The following ARF6 variants were observed in gnomAD, a reference collection of about 807,000 sequenced individuals.
ARF6 encodes the protein ARF GTPase 6, also known as ADP-ribosylation factor 6.
For synonymous variants in ARF6, 127 were observed against 95.5 expected (o/e 1.33, Z -1.92); for missense variants, 75 against 232.0 (o/e 0.32, Z 4.40).
rs1263618436 is a variant in ARF6, at chr14:49,893,729, C to T, written c.-8C>T. 2 of 1,607,154 alleles carry T rather than the reference C, an allele frequency of 1.2e-6. No individual in the cohort carries two copies. Among genetic ancestry groups the T allele is most frequent in the Non-Finnish European group, 1.7e-6 (2 of 1,174,260 alleles). On this transcript the variant is annotated 5_prime_UTR_variant, in exon 2 of 2. Transcript: ENST00000298316. Reference sequence around the variant, plus strand: ...CTGAATGCCCCCGGCCCCGGCTCCTCCGACGCGATGGGGAAGGTGCTATCC... The same window carrying T: ...CTGAATGCCCCCGGCCCCGGCTCCTTCGACGCGATGGGGAAGGTGCTATCC...
rs117373659 is a variant in ARF6 at position 49,894,063 on chromosome 14, C to T, written c.327C>T (p.Asp109=). Residue 109 remains aspartate (D), a synonymous_variant, in exon 2 of 2, where the codon GAC becomes GAT. Transcript: ENST00000298316. ...AGGAGCTGCACCGCATTATCAATGA[C>T]CGGGAGATGAGGGACGCCATAATCC... is the stretch of plus-strand genomic sequence containing the variant. ...ARQELHRIIN[D]REMRDAIILI... The T allele has an allele frequency of 4.2e-4, 678 of 1,614,192 alleles. 4 individuals are homozygous for T. In the East Asian group the frequency reaches 9.8e-3, roughly 23 times the overall value.
In ARF6 at chr14:49,896,586, T is replaced by C. The variant is rs1029738610; in HGVS notation, c.*2322T>C. The stretch of plus-strand genomic sequence containing the variant: ...ACATCAAGTGATTGCTATTATTGAA[T>C]GTTGCAGGTGAGATGTGGTTATTTT... On this transcript the variant is annotated 3_prime_UTR_variant, in exon 2 of 2. Transcript: ENST00000298316. The C allele has an allele frequency of 6.0e-6, 1 of 166,996 alleles. No homozygotes were observed. The highest frequency in any genetic ancestry group is 1.5e-5 in the Non-Finnish European group (1 of 68,068). 10.3% of individuals were successfully genotyped at this position (166,996 alleles called of 1,614,324 possible).
Position 49,894,330 on chromosome 14 carries a change from CCAT to C in ARF6, c.*69_*71del, listed in dbSNP as rs2139188998. On this transcript the variant is annotated 3_prime_UTR_variant, in exon 2 of 2. Coordinates refer to ENST00000298316, the MANE Select transcript of ARF6 (RefSeq NM_001663.4). ...AAACCCATTCATAGGATTATCGCCA[CCAT>C]CACCTCTTTCAATTGCCACTTTCTC... 4.9e-6 allele frequency: 7 copies of C among 1,435,374 alleles called. No individual in the cohort carries two copies. In the South Asian group the frequency reaches 8.3e-5, roughly 17 times the overall value. 88.9% of individuals were successfully genotyped at this position (1,435,374 alleles called of 1,614,324 possible). A position where few individuals can be genotyped will look rare whatever the true frequency, so the allele number is the denominator to read the frequency against.
At position 49,896,289 on chromosome 14, in the gene ARF6, C is replaced by T. The variant is rs1213298814; in HGVS notation, c.*2025C>T. 1 of 166,968 alleles carries T rather than the reference C, an allele frequency of 6.0e-6. No homozygotes were observed. Among genetic ancestry groups the T allele is most frequent in the East Asian group, 1.9e-4 (1 of 5,202 alleles). The allele number at this position is 166,968 out of a possible 1,614,324, so 10.3% of individuals were successfully genotyped here. A position where few individuals can be genotyped will look rare whatever the true frequency, so the allele number is the denominator to read the frequency against. On this transcript the variant is annotated 3_prime_UTR_variant, in exon 2 of 2. Coordinates refer to ENST00000298316, the MANE Select transcript of ARF6 (RefSeq NM_001663.4). ...TAAACACATCTAAGAACACTGGTTG[C>T]TTTCTAAAATTTCCAAAGCTCCACC...
Position 49,895,278 on chromosome 14 carries a change from C to T in ARF6, c.*1014C>T, listed in dbSNP as rs1202429209. The T allele has an allele frequency of 6.0e-6, 1 of 166,914 alleles. No individual in the cohort carries two copies. The highest frequency in any genetic ancestry group is 2.4e-5 in the African/African-American group (1 of 41,398). 10.3% of individuals were successfully genotyped at this position (166,914 alleles called of 1,614,324 possible). ...TTTACCTTGTTTCAAACACCTAAGACCAGTAATTTAAAAATTACTAAAAGG... is the reference window on the plus strand; with the variant it reads ...TTTACCTTGTTTCAAACACCTAAGATCAGTAATTTAAAAATTACTAAAAGG... On this transcript the variant is annotated 3_prime_UTR_variant, in exon 2 of 2. Coordinates refer to ENST00000298316, the MANE Select transcript of ARF6 (RefSeq NM_001663.4).
In ARF6 at chr14:49,894,165, G is replaced by C. The variant is rs1339951808; in HGVS notation, c.429G>C (p.Arg143=). 4 of 1,614,042 alleles carry C rather than the reference G, an allele frequency of 2.5e-6. No homozygotes were observed. The highest frequency in any genetic ancestry group is 3.4e-6 in the Non-Finnish European group (4 of 1,180,044). The change falls in exon 2 of 2, where the codon CGG becomes CGC. Residue 143 remains arginine, a synonymous_variant. Transcript: ENST00000298316. ...HEIQEKLGLT[R]IRDRNWYVQP... ...TCCAGGAGAAACTGGGCCTGACCCG[G>C]ATTCGGGACAGGAACTGGTATGTGC...
In ARF6 at chr14:49,896,583, G is replaced by T. The variant is rs1247071866; in HGVS notation, c.*2319G>T. On this transcript the variant is annotated 3_prime_UTR_variant, in exon 2 of 2. Transcript: ENST00000298316. ...TATACATCAAGTGATTGCTATTATT[G>T]AATGTTGCAGGTGAGATGTGGTTAT... 6.0e-6 allele frequency: 1 copy of T among 166,916 alleles called. No homozygotes were observed. Among genetic ancestry groups the T allele is most frequent in the African/African-American group, 2.4e-5 (1 of 41,404 alleles). The allele number at this position is 166,916 out of a possible 1,614,324, so 10.3% of individuals were successfully genotyped here. A position where few individuals can be genotyped will look rare whatever the true frequency, so the allele number is the denominator to read the frequency against.
chr14:49,894,297 G>C lies in ARF6; in HGVS notation c.*33G>C. 1 of 1,555,346 alleles carries C rather than the reference G, an allele frequency of 6.4e-7. No individual in the cohort carries two copies. The highest frequency in any genetic ancestry group is 1.2e-5 in the South Asian group (1 of 85,158). On this transcript the variant is annotated 3_prime_UTR_variant, in exon 2 of 2. Coordinates refer to ENST00000298316, the MANE Select transcript of ARF6 (RefSeq NM_001663.4). The stretch of plus-strand genomic sequence containing the variant: ...TCTCCACCCATCCCCTGGAAGGAGA[G>C]AAATCAAAAACCCATTCATAGGATT...
Position 49,893,514 on chromosome 14 carries a change from G to T in ARF6, c.-223G>T. ...GCGGCGGCTCCCAGCGCAGTCTCAG[G>T]GCCCGGGTGGCGGCGGCGACTGGAG... On this transcript the variant is annotated 5_prime_UTR_variant, in exon 2 of 2. Coordinates refer to ENST00000298316, the MANE Select transcript of ARF6 (RefSeq NM_001663.4). The T allele has an allele frequency of 3.5e-6, 2 of 564,992 alleles. No individual in the cohort carries two copies. Among genetic ancestry groups the T allele is most frequent in the Non-Finnish European group, 6.2e-6 (2 of 323,000 alleles). The allele number at this position is 564,992 out of a possible 1,614,324, so 35.0% of individuals were successfully genotyped here.
rs1894529304 is a variant in ARF6, at chr14:49,896,807, G to GA, written c.*2549dup. On this transcript the variant is annotated 3_prime_UTR_variant, in exon 2 of 2. Transcript: ENST00000298316. ...CTGGAGCAGGTAATTATAGCCTGCAGAAAAAATTATCTAAGAATTTTAAAA... is the reference window on the plus strand; with the variant it reads ...CTGGAGCAGGTAATTATAGCCTGCAGAAAAAAATTATCTAAGAATTTTAAAA... 1 of 167,002 alleles carries GA rather than the reference G, an allele frequency of 6.0e-6. No individual in the cohort carries two copies. The highest frequency in any genetic ancestry group is 2.4e-5 in the African/African-American group (1 of 41,434). 10.3% of individuals were successfully genotyped at this position (167,002 alleles called of 1,614,324 possible). A position where few individuals can be genotyped will look rare whatever the true frequency, so the allele number is the denominator to read the frequency against.
In ARF6 at chr14:49,894,936, A is replaced by G. The variant is rs552109866; in HGVS notation, c.*672A>G. 7 of 167,260 alleles carry G rather than the reference A, an allele frequency of 4.2e-5. No individual in the cohort carries two copies. In the East Asian group the frequency reaches 1.3e-3, roughly 32 times the overall value. The allele number at this position is 167,260 out of a possible 1,614,324, so 10.4% of individuals were successfully genotyped here. A position where few individuals can be genotyped will look rare whatever the true frequency, so the allele number is the denominator to read the frequency against. On this transcript the variant is annotated 3_prime_UTR_variant, in exon 2 of 2. Coordinates refer to ENST00000298316, the MANE Select transcript of ARF6 (RefSeq NM_001663.4). ...TAATATGTTCCAGTTGCACCTCAGT[A>G]TGTTAAACAGGTAATGTAAGAAGTT...
Position 49,895,426 on chromosome 14 carries a change from A to AT in ARF6, c.*1168dup, listed in dbSNP as rs1894508478. On this transcript the variant is annotated 3_prime_UTR_variant, in exon 2 of 2. Coordinates refer to ENST00000298316, the MANE Select transcript of ARF6 (RefSeq NM_001663.4). ...ACTGATTAAGCTGAAGCTGTAAGTC[A>AT]TTTTTTATAGATGAGTGATCCGCAT... 6.0e-6 allele frequency: 1 copy of AT among 167,114 alleles called. No individual in the cohort carries two copies. The highest frequency in any genetic ancestry group is 2.4e-5 in the African/African-American group (1 of 41,470). The allele number at this position is 167,114 out of a possible 1,614,324, so 10.4% of individuals were successfully genotyped here.
chr14:49,893,499 C>G lies in ARF6; in HGVS notation c.-238C>G, dbSNP rs532731427. 2.5e-4 allele frequency: 130 copies of G among 511,856 alleles called. No individual in the cohort carries two copies. Among genetic ancestry groups the G allele is most frequent in the African/African-American group, 2.3e-3 (119 of 51,580 alleles). The allele number at this position is 511,856 out of a possible 1,614,324, so 31.7% of individuals were successfully genotyped here. ...CCGCGCCTCAGCAGGGCGGCGGCTCCCAGCGCAGTCTCAGGGCCCGGGTGG... is the reference window on the plus strand; with the variant it reads ...CCGCGCCTCAGCAGGGCGGCGGCTCGCAGCGCAGTCTCAGGGCCCGGGTGG... On this transcript the variant is annotated 5_prime_UTR_variant, in exon 2 of 2. Transcript: ENST00000298316.
rs1029076390 is a variant in ARF6, at chr14:49,893,603, G to A, written c.-134G>A. The A allele has an allele frequency of 1.1e-5, 12 of 1,125,902 alleles. No individual in the cohort carries two copies. The highest frequency in any genetic ancestry group is 1.5e-5 in the Non-Finnish European group (12 of 785,784). 69.7% of individuals were successfully genotyped at this position (1,125,902 alleles called of 1,614,324 possible). On this transcript the variant is annotated 5_prime_UTR_variant, in exon 2 of 2. Coordinates refer to ENST00000298316, the MANE Select transcript of ARF6 (RefSeq NM_001663.4). ...GGGGCCTGGGCCTCTGCCCTTAGGA[G>A]GCAACTCCCACGCAGGCCGCAAAGG...
At position 49,896,385 on chromosome 14, in the gene ARF6, T is replaced by C. The variant is rs1894523827; in HGVS notation, c.*2121T>C. On this transcript the variant is annotated 3_prime_UTR_variant, in exon 2 of 2. Transcript: ENST00000298316. ...ATAAATATGGGTTATCCAATATCAA[T>C]GCTATAGTAACATCCTGAAACAAAA... 1 of 167,030 alleles carries C rather than the reference T, an allele frequency of 6.0e-6. No individual in the cohort carries two copies. Among genetic ancestry groups the C allele is most frequent in the Non-Finnish European group, 1.5e-5 (1 of 68,078 alleles). 10.3% of individuals were successfully genotyped at this position (167,030 alleles called of 1,614,324 possible). A position where few individuals can be genotyped will look rare whatever the true frequency, so the allele number is the denominator to read the frequency against.
In ARF6 at chr14:49,893,480, C is replaced by T; in HGVS notation, c.-257C>T. 1 of 426,374 alleles carries T rather than the reference C, an allele frequency of 2.3e-6. No homozygotes were observed. Among genetic ancestry groups the T allele is most frequent in the Non-Finnish European group, 4.2e-6 (1 of 238,944 alleles). 26.4% of individuals were successfully genotyped at this position (426,374 alleles called of 1,614,324 possible). On this transcript the variant is annotated 5_prime_UTR_variant, in exon 2 of 2. Coordinates refer to ENST00000298316, the MANE Select transcript of ARF6 (RefSeq NM_001663.4). ...AGGGCAGTTCCGGGCCGGGCCGCGC[C>T]TCAGCAGGGCGGCGGCTCCCAGCGC...
chr14:49,893,830 A>G lies in ARF6; in HGVS notation c.94A>G (p.Lys32Glu). ...GGCCGGCAAGACAACAATCCTGTACAAGTTGAAGCTGGGCCAGTCGGTGAC... is the reference window on the plus strand; with the variant it reads ...GGCCGGCAAGACAACAATCCTGTACGAGTTGAAGCTGGGCCAGTCGGTGAC... Reference protein sequence around the residue: ...DAAGKTTILYKLKLGQSVTTI... With the variant: ...DAAGKTTILYELKLGQSVTTI... Residue 32 changes from lysine to glutamate, a missense_variant, in exon 2 of 2, where the codon AAG (lysine) becomes GAG (glutamate). Lys to Glu is a moderately conservative substitution (Grantham distance 56, BLOSUM62 1). Transcript: ENST00000298316. 2 of 1,614,188 alleles carry G rather than the reference A, an allele frequency of 1.2e-6. No homozygotes were observed. The highest frequency in any genetic ancestry group is 8.5e-7 in the Non-Finnish European group (1 of 1,180,034).
Position 49,894,065 on chromosome 14 carries a change from G to A in ARF6, c.329G>A (p.Arg110Gln). 1 of 1,614,118 alleles carries A rather than the reference G, an allele frequency of 6.2e-7. No individual in the cohort carries two copies. Among genetic ancestry groups the A allele is most frequent in the South Asian group, 1.1e-5 (1 of 91,074 alleles). ...GAGCTGCACCGCATTATCAATGACCGGGAGATGAGGGACGCCATAATCCTC... is the reference window on the plus strand; with the variant it reads ...GAGCTGCACCGCATTATCAATGACCAGGAGATGAGGGACGCCATAATCCTC... ...RQELHRIIND[R>Q]EMRDAIILIF... The change falls in exon 2 of 2, where the codon CGG becomes CAG. Residue 110 changes from arginine to glutamine, a missense_variant. Coordinates refer to ENST00000298316, the MANE Select transcript of ARF6 (RefSeq NM_001663.4).
chr14:49,893,525 C>G lies in ARF6; in HGVS notation c.-212C>G. The stretch of plus-strand genomic sequence containing the variant: ...CAGCGCAGTCTCAGGGCCCGGGTGG[C>G]GGCGGCGACTGGAGAAATCAAGTTG... On this transcript the variant is annotated 5_prime_UTR_variant, in exon 2 of 2. Transcript: ENST00000298316. 1.7e-6 allele frequency: 1 copy of G among 587,208 alleles called. No individual in the cohort carries two copies. The highest frequency in any genetic ancestry group is 2.9e-6 in the Non-Finnish European group (1 of 340,168). The allele number at this position is 587,208 out of a possible 1,614,324, so 36.4% of individuals were successfully genotyped here.
Sources: gnomAD v4.1 joint callset for allele counts on GRCh38, gnomAD v4.1.1 for gene constraint, MANE v1.5 for transcripts, NCBI Gene and HGNC (gene_info 2026-07-23, HGNC 2026-07-21) for gene names.